The following CRB2 variants were observed in gnomAD, a reference collection of about 807,000 sequenced individuals.
The protein encoded by CRB2 is protein crumbs homolog 2.
A neutral mutation model predicts 110.9 loss-of-function variants in CRB2; 85 were observed. The observed-to-expected ratio is 0.77, with a 90% CI of 0.64 to 0.92. The LOEUF (loss-of-function observed/expected upper bound fraction) is 0.92. CRB2 is among the 40% of genes least tolerant of loss of function. The pLI is 0.00. For missense variants in CRB2, 1,843 were observed against 1,851.3 expected, an observed-to-expected ratio of 1.00 and a Z score of 0.08; for synonymous variants, 907 against 831.0, an observed-to-expected ratio of 1.09 and a Z score of -1.57.
In CRB2 at chr9:123,363,121, C is replaced by T; in HGVS notation, c.351C>T (p.Cys117=). Residue 117 remains cysteine, a synonymous_variant, in exon 2 of 13, where the codon TGC becomes TGT. Transcript: ENST00000373631. ...LDIDECASRP[C]HHGATCRNLA... is the part of the protein sequence containing the mutation. ...TCGATGAGTGTGCATCCCGGCCGTG[C>T]CACCATGGGGCCACCTGCCGCAACC... is the stretch of plus-strand genomic sequence containing the variant. The T allele has an allele frequency of 6.2e-7, 1 of 1,610,562 alleles. No homozygotes were observed.
intron 3 of CRB2, 40 bp from the exon 4 acceptor site, chr9:123,366,187 G>T (rs2041928621): frequency 1.4e-6 from 2 of 1,384,668 alleles, no homozygotes; most frequent in African/African-American, 3.1e-5. Flanking sequence ...GGGCAGAAGG[G>T]GCAGGCGCGC....
rs1472553470 is a variant in CRB2, at chr9:123,371,285, G to A, written c.2143G>A (p.Val715Ile). ...GGCTGAGGTGCCGGGCAGTCCTGCT[G>A]TAGTGCTCCCTGGGCGCTGGGATGA... ...IRAEVPGSPA[V>I]VLPGRWDDGL... The change falls in exon 8 of 13, where the codon GTA becomes ATA. Residue 715 changes from valine (V) to isoleucine (I), a missense_variant. Physicochemically the swap from Val to Ile is conservative, Grantham distance 29. Transcript: ENST00000373631. 11 of 1,613,630 alleles carry A rather than the reference G, an allele frequency of 6.8e-6. No individual in the cohort carries two copies. The African/African-American group carries it at 1.3e-4, about 20-fold the overall frequency.
At position 123,373,299 on chromosome 9, in the gene CRB2, C is replaced by T. The variant is rs2042044779; in HGVS notation, c.2768C>T (p.Ala923Val). The T allele has an allele frequency of 7.5e-6, 11 of 1,472,056 alleles. No homozygotes were observed. The Admixed American group carries it at 9.7e-5, about 13-fold the overall frequency. 91.2% of individuals were successfully genotyped at this position (1,472,056 alleles called of 1,614,324 possible). A position where few individuals can be genotyped will look rare whatever the true frequency, so the allele number is the denominator to read the frequency against. ...AAGALEGVWL[A>V]VRNGSLAGGV... The stretch of plus-strand genomic sequence containing the variant: ...GGCGCCCTGGAAGGCGTGTGGCTGG[C>T]GGTGCGCAATGGCTCGCTGGCGGGG... The change falls in exon 10 of 13, where the codon GCG becomes GTG. Residue 923 changes from alanine to valine, a missense_variant. Transcript: ENST00000373631.
In CRB2 at chr9:123,362,888, A is replaced by AGTGCCT. The variant is rs1019120897; in HGVS notation, c.125_130dup (p.Cys42_Ala43dup). On this transcript the variant is annotated inframe_insertion, in exon 2 of 13. Transcript: ENST00000373631. ...AGGGACGGTGCCTTCAGAGCCCCCC[A>AGTGCCT]GTGCCTGTGCCTCAGACCCGTGCGC... 1.3e-6 allele frequency: 2 copies of AGTGCCT among 1,588,160 alleles called. No individual in the cohort carries two copies. Among genetic ancestry groups the AGTGCCT allele is most frequent in the Admixed American group, 3.4e-5 (2 of 59,436 alleles).
chr9:123,359,449 T>TTTG (rs1564367919), intron 1 of CRB2, among the ~76,000 whole-genome samples: 2 of 132,082 alleles, frequency 1.5e-5, no homozygotes, highest in Non-Finnish European at 1.6e-5. Flanking sequence ...TTGTTTTTTT[T>TTTG]TTTTTTTTTT....
chr9:123,367,453 AC>A (rs2041953457), intron 5 of CRB2, 96 bp downstream of exon 5: 11 of 475,480 alleles, frequency 2.3e-5, no homozygotes, highest in African/African-American at 1.3e-4. Flanking sequence ...CCCACCCCAC[AC>A]CCCACACCCG....
In CRB2 at chr9:123,371,011, C is replaced by G. The variant is rs1048705641; in HGVS notation, c.1927+31C>G. The G allele has an allele frequency of 3.8e-6, 6 of 1,595,262 alleles. No individual in the cohort carries two copies. The Admixed American group carries it at 8.5e-5, about 23-fold the overall frequency. On this transcript the variant is annotated intron_variant, in intron 7 of 12. Coordinates refer to ENST00000373631, the MANE Select transcript of CRB2 (RefSeq NM_173689.7). ...GAATAAGCCAGGTGGGAAGGCAGCACCTGAGATCTGCCTCCCTCAGCCTGC... is the reference window on the plus strand; with the variant it reads ...GAATAAGCCAGGTGGGAAGGCAGCAGCTGAGATCTGCCTCCCTCAGCCTGC...
rs55965026 is a variant in CRB2, at chr9:123,370,973, C to T, written c.1920C>T (p.Cys640=). The T allele has an allele frequency of 0.029, 46,605 of 1,603,016 alleles. 824 individuals are homozygous for T. Among genetic ancestry groups the T allele is most frequent in the African/African-American group, 0.073 (5,450 of 74,814 alleles). The change falls in exon 7 of 13, where the codon TGC becomes TGT. Residue 640 remains cysteine (C), a synonymous_variant. Transcript: ENST00000373631. The part of the protein sequence containing the change: ...DCARPHRGPT[C]ADEIPAATFG... ...CCCGGCCCCATAGAGGTCCCACGTGCGCTGATGGTGAGGAATAAGCCAGGT... is the reference window on the plus strand; with the variant it reads ...CCCGGCCCCATAGAGGTCCCACGTGTGCTGATGGTGAGGAATAAGCCAGGT...
rs773537204 is a variant in CRB2 at position 123,373,784 on chromosome 9, G to A, written c.3253G>A (p.Gly1085Arg). 1 of 1,591,026 alleles carries A rather than the reference G, an allele frequency of 6.3e-7. No homozygotes were observed. Among genetic ancestry groups the A allele is most frequent in the Non-Finnish European group, 8.5e-7 (1 of 1,176,578 alleles). The change falls in exon 10 of 13, where the codon GGG becomes AGG. Residue 1085 changes from glycine to arginine, a missense_variant. Gly to Arg is a moderately radical substitution (Grantham distance 125, BLOSUM62 -2). Transcript: ENST00000373631. The stretch of plus-strand genomic sequence containing the variant: ...CGCCTTTGCCTGCGCCTGCGGCCCG[G>A]GGTGGGAAGGCCCGCGCTGCGAAGC... ...FDAFACACGP[G>R]WEGPRCEAHV...
rs566195974 is a variant in CRB2, at chr9:123,361,146, G to T, written c.95-1719G>T. ...GATTGGATGGGCGGGGAGGGGGGGG[G>T]GTTCCTTGCACTGCACAGGTGAGGG... On this transcript the variant is annotated intron_variant, in intron 1 of 12. Coordinates refer to ENST00000373631, the MANE Select transcript of CRB2 (RefSeq NM_173689.7). 5.1e-3 allele frequency among the ~76,000 whole-genome samples: 774 copies of T among 151,054 alleles called. 19 individuals are homozygous for T. Among genetic ancestry groups the T allele is most frequent in the East Asian group, 0.032 (161 of 5,020 alleles).
At position 123,373,220 on chromosome 9, in the gene CRB2, T is replaced by C. The variant is rs999334623; in HGVS notation, c.2689T>C (p.Ser897Pro). 2 of 1,509,032 alleles carry C rather than the reference T, an allele frequency of 1.3e-6. No homozygotes were observed. Among genetic ancestry groups the C allele is most frequent in the African/African-American group, 1.4e-5 (1 of 69,326 alleles). The allele number at this position is 1,509,032 out of a possible 1,614,324, so 93.5% of individuals were successfully genotyped here. Residue 897 changes from serine to proline, a missense_variant, in exon 10 of 13, where the codon TCG becomes CCG. Coordinates refer to ENST00000373631, the MANE Select transcript of CRB2 (RefSeq NM_173689.7). ...ASSGRLLGGLSLAFRTRDSEA... is the reference protein window; with the variant it reads ...ASSGRLLGGLPLAFRTRDSEA... ...GTCAGGGCGCTTGCTCGGCGGCCTG[T>C]CGCTGGCCTTTCGCACGCGCGACTC...
intron 6 of CRB2, 152 bp from the exon 7 acceptor site, chr9:123,369,956 G>A (rs765073705): frequency 1.1e-4 from 101 of 886,886 alleles, no homozygotes; most frequent in South Asian, 2.9e-4. Context: ...TCTGGCCTAC[G>A]GGGGGACTTG....
At chr9:123,354,303 C>T (rs1025454666), upstream of CRB2, among the ~76,000 whole-genome samples, 1 of 152,238 alleles carries the variant, frequency 6.6e-6, no homozygotes, top group African/African-American at 2.4e-5. Flanking sequence ...GGACCTGCGC[C>T]GGGTGACCTC....
chr9:123,359,424 TTTTTCG>T (rs1161534555), intron 1 of CRB2, among the ~76,000 whole-genome samples: 2 of 142,132 alleles, frequency 1.4e-5, no homozygotes, highest in East Asian at 2.1e-4. Context: ...TTGTTTGTGG[TTTTTCG>T]TTTTTGTTTT....
At chr9:123,375,100 G>C in intron 11 of CRB2, 117 bp from the exon 12 acceptor site, 1 of 1,480,146 alleles carries the variant, frequency 6.8e-7, no homozygotes, top group South Asian at 1.3e-5. Flanking sequence ...CAGCGCATGG[G>C]GACAGTGGAT....
intron 4 of CRB2, among the ~76,000 whole-genome samples, chr9:123,366,924 A>C (rs1032009564): frequency 6.8e-6 from 1 of 147,032 alleles, no homozygotes; most frequent in Non-Finnish European, 1.5e-5. Context: ...CAGCCTGGGC[A>C]ACAGAGTGAG....
chr9:123,362,839 G>T, intron 1 of CRB2, 26 bp from the exon 2 acceptor site: 1 of 1,549,928 alleles, frequency 6.5e-7, no homozygotes, highest in Non-Finnish European at 8.8e-7. Flanking sequence ...TGCCCACCCT[G>T]CCCAGCCAGT....
At chr9:123,367,426 C>G in intron 5 of CRB2, 69 bp downstream of exon 5, 2 of 933,334 alleles carry the variant, frequency 2.1e-6, no homozygotes, top group Non-Finnish European at 2.9e-6. Flanking sequence ...TGCCCACCCC[C>G]CCACCCCCCC....
rs61745393 is a variant in CRB2 at position 123,374,660 on chromosome 9, C to T, written c.3471C>T (p.Ala1157=). 2.4e-4 allele frequency: 390 copies of T among 1,612,438 alleles called. 1 individual carries two copies. The African/African-American group carries it at 4.4e-3, about 18-fold the overall frequency. Reference sequence around the variant, plus strand: ...CATGTGAGGGTGGCTCTCCCGCTGCCAACTGCAGCTGCCTGGAGGGTCTTG... The same window carrying T: ...CATGTGAGGGTGGCTCTCCCGCTGCTAACTGCAGCTGCCTGGAGGGTCTTG... The part of the protein sequence containing the change: ...GSPCEGGSPA[A]NCSCLEGLAG... The change falls in exon 11 of 13, where the codon GCC becomes GCT. Residue 1157 remains alanine (A), a synonymous_variant. Transcript: ENST00000373631.
Sources: allele counts gnomAD v4.1 joint callset (sites outside exome capture counted in the v4.1 genomes callset), GRCh38; gene constraint gnomAD v4.1.1; transcripts MANE v1.5; gene names NCBI Gene and HGNC (gene_info 2026-07-23, HGNC 2026-07-21).